The following SPATA16 variants were observed in gnomAD, a reference collection of about 807,000 sequenced individuals.
SPATA16 encodes the protein spermatogenesis associated 16, also known as spermatogenesis-associated protein 16.
SPATA16 carries 36 observed loss-of-function variants against 63.3 expected under a neutral mutation model. That is an observed-to-expected ratio of 0.57 (90% CI 0.44 to 0.75). The LOEUF is 0.75. Ranked by LOEUF, SPATA16 falls within the 30% of genes least tolerant of loss-of-function variation. The probability of loss-of-function intolerance (pLI) is 0.00; values close to 1 mark genes in which losing one functional copy is unlikely to be tolerated. For synonymous variants in SPATA16, 203 were observed against 216.7 expected (o/e 0.94, Z 0.56); for missense variants, 646 against 679.3 (o/e 0.95, Z 0.54).
At chr3:173,085,200 T>G (rs1737022098) in intron 2 of SPATA16, among the ~76,000 whole-genome samples, 1 of 152,158 alleles carries the variant, frequency 6.6e-6, no homozygotes, top group Admixed American at 6.5e-5. Context: ...GAGGAGTGGT[T>G]TGTAGTTCTC....
chr3:173,093,578 C>CTA (rs1311813669), intron 2 of SPATA16, among the ~76,000 whole-genome samples: 1 of 152,084 alleles, frequency 6.6e-6, no homozygotes, highest in Non-Finnish European at 1.5e-5. Flanking sequence ...TAAAAGATTA[C>CTA]TATGTATATG....
At chr3:173,021,852 G>T (rs1036606660) in intron 3 of SPATA16, among the ~76,000 whole-genome samples, 18 of 151,802 alleles carry the variant, frequency 1.2e-4, no homozygotes, top group African/African-American at 4.4e-4. Flanking sequence ...CTACAAATTT[G>T]ATGGGACAAA....
At chr3:173,124,440 A>G (rs1389750022) in intron 1 of SPATA16, among the ~76,000 whole-genome samples, 1 of 152,190 alleles carries the variant, frequency 6.6e-6, no homozygotes, top group Non-Finnish European at 1.5e-5. Context: ...TTGAATGAAA[A>G]TGCCTTGGCT....
chr3:173,019,397 T>G (rs1735266074), intron 4 of SPATA16, 89 bp downstream of exon 4: 1 of 1,082,910 alleles, frequency 9.2e-7, no homozygotes, highest in Admixed American at 1.7e-5. Context: ...ATGAGAGAAA[T>G]GGAGAGTTCT....
chr3:173,050,602 A>G (rs957471615), intron 2 of SPATA16, among the ~76,000 whole-genome samples: 1 of 151,906 alleles, frequency 6.6e-6, no homozygotes, highest in Non-Finnish European at 1.5e-5. Flanking sequence ...CTTATTAATT[A>G]TAATAAATAT....
chr3:172,951,253 G>A (rs149988685), intron 6 of SPATA16, among the ~76,000 whole-genome samples: 31 of 151,668 alleles, frequency 2.0e-4, no homozygotes, highest in African/African-American at 7.5e-4. Flanking sequence ...ATTATAATAC[G>A]ACTTTAAGAT....
intron 10 of SPATA16, among the ~76,000 whole-genome samples, chr3:172,906,760 G>A (rs1207560886): frequency 6.7e-6 from 1 of 149,556 alleles, no homozygotes; most frequent in South Asian, 2.1e-4. Flanking sequence ...TTTTATTTTT[G>A]AGACAAAGTC....
At chr3:173,000,796 T>G (rs1734803663) in intron 4 of SPATA16, among the ~76,000 whole-genome samples, 1 of 152,106 alleles carries the variant, frequency 6.6e-6, no homozygotes, top group Non-Finnish European at 1.5e-5. Context: ...GATTCTTTCT[T>G]TGGTCATGTC....
chr3:172,944,221 C>T (rs947855223), intron 6 of SPATA16, among the ~76,000 whole-genome samples: 3 of 152,162 alleles, frequency 2.0e-5, no homozygotes, highest in Non-Finnish European at 2.9e-5. Context: ...GACATTTCTT[C>T]GAAGAAGACA....
At chr3:173,057,784 GA>G (rs1467588242) in intron 2 of SPATA16, among the ~76,000 whole-genome samples, 1 of 152,092 alleles carries the variant, frequency 6.6e-6, no homozygotes, top group Non-Finnish European at 1.5e-5. Context: ...CAAATCAACA[GA>G]AAAACATTAC....
intron 7 of SPATA16, among the ~76,000 whole-genome samples, chr3:172,924,618 T>C (rs1232975582): frequency 6.6e-6 from 1 of 152,178 alleles, no homozygotes; most frequent in Non-Finnish European, 1.5e-5. Flanking sequence ...TTTCCTGAGT[T>C]GTGAAAAAAT....
chr3:173,128,263 A>G (rs970737545), intron 1 of SPATA16, among the ~76,000 whole-genome samples: 7 of 152,218 alleles, frequency 4.6e-5, no homozygotes, highest in African/African-American at 1.4e-4. Flanking sequence ...AACTCATGGC[A>G]TAAAGTAGGC....
intron 4 of SPATA16, among the ~76,000 whole-genome samples, chr3:173,001,115 G>T (rs1284231344): frequency 2.0e-5 from 3 of 152,086 alleles, no homozygotes; most frequent in African/African-American, 4.8e-5. Context: ...TTAATGTAGT[G>T]GGTAAAAGGA....
At chr3:173,088,626 G>GA (rs1203816844) in intron 2 of SPATA16, among the ~76,000 whole-genome samples, 1 of 152,026 alleles carries the variant, frequency 6.6e-6, no homozygotes, top group Middle Eastern at 3.4e-3. Context: ...AGACATGCTG[G>GA]AAAAAAATCA....
chr3:172,965,169 G>A (rs1388494584), intron 5 of SPATA16, among the ~76,000 whole-genome samples: 1 of 152,176 alleles, frequency 6.6e-6, no homozygotes, highest in Non-Finnish European at 1.5e-5. Flanking sequence ...TATAGTTGAG[G>A]AAAACTTAGT....
chr3:172,961,048 C>CTTCT (rs1553786351), intron 5 of SPATA16, among the ~76,000 whole-genome samples: 3 of 66,024 alleles, frequency 4.5e-5, no homozygotes, highest in South Asian at 5.2e-4. Context: ...TTCTTTCTTT[C>CTTCT]TTCTTTCTTT....
At chr3:173,038,948 T>A (rs573561145) in intron 3 of SPATA16, among the ~76,000 whole-genome samples, 1 of 152,328 alleles carries the variant, frequency 6.6e-6, no homozygotes, top group South Asian at 2.1e-4. Context: ...AGGGCAATTA[T>A]GTGACTTGAG....
intron 2 of SPATA16, among the ~76,000 whole-genome samples, chr3:173,101,122 G>T (rs978430409): frequency 6.6e-6 from 1 of 151,856 alleles, no homozygotes; most frequent in Non-Finnish European, 1.5e-5. Flanking sequence ...TTTCCTTCAG[G>T]CTAGGGCTTG....
chr3:172,977,073 A>C, intron 4 of SPATA16, 21 bp from the exon 5 acceptor site: 1 of 1,590,982 alleles, frequency 6.3e-7, no homozygotes, highest in South Asian at 1.1e-5. Flanking sequence ...GGACAGATTA[A>C]AAAAAAAACA....
Sources: gnomAD v4.1 joint callset for allele counts (sites outside exome capture counted in the v4.1 genomes callset) on GRCh38, gnomAD v4.1.1 for gene constraint, MANE v1.5 for transcripts, NCBI Gene and HGNC (gene_info 2026-07-23, HGNC 2026-07-21) for gene names.